Variants in EXOC4 observed in about 807,000 individuals in gnomAD.
EXOC4 encodes the protein exocyst complex component 4, also known as SEC8-like 1.
EXOC4 carries 71 observed loss-of-function variants against 107.2 expected under a neutral mutation model. That is an observed-to-expected ratio of 0.66 (90% CI 0.55 to 0.81). The LOEUF is 0.81. Among genes scored for constraint, EXOC4 ranks in the 30% least tolerant of loss-of-function variants. The pLI, the probability that EXOC4 is intolerant of heterozygous loss-of-function variation, is 0.00. For missense variants in EXOC4, 1,108 were observed against 1,189.6 expected (o/e 0.93, Z 1.01); for synonymous variants, 456 against 441.2 (o/e 1.03, Z -0.42).
intron 1 of EXOC4, among the ~76,000 whole-genome samples, chr7:133,271,740 C>T (rs767418126): frequency 2.0e-5 from 3 of 152,086 alleles, no homozygotes; most frequent in Admixed American, 2.0e-4. Flanking sequence ...GCGCTTACGC[C>T]GCTTGCTGTG....
intron 10 of EXOC4, among the ~76,000 whole-genome samples, chr7:133,716,678 C>T (rs1185884702): frequency 6.6e-6 from 1 of 152,222 alleles, no homozygotes; most frequent in Non-Finnish European, 1.5e-5. Flanking sequence ...CACTGTGGCT[C>T]ATGCCTGTAA....
intron 11 of EXOC4, among the ~76,000 whole-genome samples, chr7:133,852,406 C>A (rs1798256710): frequency 6.6e-6 from 1 of 151,968 alleles, no homozygotes; most frequent in Non-Finnish European, 1.5e-5. Flanking sequence ...TTACAAGTAT[C>A]CCTTTAGTTG....
At chr7:133,689,673 C>T (rs1794379027) in intron 10 of EXOC4, among the ~76,000 whole-genome samples, 1 of 152,204 alleles carries the variant, frequency 6.6e-6, no homozygotes, top group African/African-American at 2.4e-5. Context: ...GGGTGAGGGA[C>T]TTTTCCTCAA....
intron 5 of EXOC4, among the ~76,000 whole-genome samples, chr7:133,340,840 T>C (rs1795644543): frequency 6.6e-6 from 1 of 152,150 alleles, no homozygotes. Context: ...TTGAATGATC[T>C]TTTGTATTTC....
chr7:134,053,139 T>C (rs1795836000), intron 17 of EXOC4, among the ~76,000 whole-genome samples: 2 of 151,852 alleles, frequency 1.3e-5, no homozygotes, highest in Admixed American at 1.3e-4. Context: ...AATTCAGCCC[T>C]GCTCTAGAGA....
At chr7:133,841,854 C>T (rs1055712373) in intron 11 of EXOC4, among the ~76,000 whole-genome samples, 2 of 152,108 alleles carry the variant, frequency 1.3e-5, no homozygotes, top group African/African-American at 2.4e-5. Context: ...CTGTTTTTCC[C>T]TTCTTTGTGT....
chr7:133,535,701 G>A (rs778804607), intron 9 of EXOC4, among the ~76,000 whole-genome samples: 3 of 152,004 alleles, frequency 2.0e-5, no homozygotes, highest in Admixed American at 6.6e-5. Context: ...TACCTTATAC[G>A]TTTTAATTTT....
intron 14 of EXOC4, among the ~76,000 whole-genome samples, chr7:133,954,319 A>G (rs1004430490): frequency 2.6e-5 from 4 of 152,246 alleles, no homozygotes; most frequent in African/African-American, 9.6e-5. Context: ...ACGGATTTAC[A>G]TCTACAATTA....
At chr7:134,028,790 A>G (rs774212492) in intron 17 of EXOC4, among the ~76,000 whole-genome samples, 4 of 152,228 alleles carry the variant, frequency 2.6e-5, no homozygotes, top group African/African-American at 7.2e-5. Context: ...GAATCTCTAT[A>G]CCTCTGACCA....
chr7:133,922,312 A>C (rs1283518485), intron 13 of EXOC4, among the ~76,000 whole-genome samples: 1 of 152,144 alleles, frequency 6.6e-6, no homozygotes, highest in South Asian at 2.1e-4. Context: ...CCTTCTTTCT[A>C]GTTACTGCCT....
At chr7:133,873,153 T>C (rs943345308) in intron 11 of EXOC4, among the ~76,000 whole-genome samples, 1 of 152,142 alleles carries the variant, frequency 6.6e-6, no homozygotes, top group Admixed American at 6.5e-5. Context: ...TACAAAAAAA[T>C]TTAGCCAGTT....
chr7:133,283,250 T>G (rs545714289), intron 2 of EXOC4, among the ~76,000 whole-genome samples: 16 of 152,254 alleles, frequency 1.1e-4, no homozygotes, highest in Non-Finnish European at 2.2e-4. Flanking sequence ...CCACAGATAC[T>G]TTTTTGTGGA....
intron 13 of EXOC4, among the ~76,000 whole-genome samples, chr7:133,933,373 G>C (rs1480500152): frequency 6.6e-6 from 1 of 152,046 alleles, no homozygotes; most frequent in Non-Finnish European, 1.5e-5. Flanking sequence ...GATTTGGAAG[G>C]CAAGTCCTCA....
the EXOC4 span, among the ~76,000 whole-genome samples, chr7:134,084,964 A>G: frequency 7.3e-3 from 1,119 of 152,282 alleles, 34 homozygotes; most frequent in Non-Finnish European, 5.5e-3. Flanking sequence ...GTAAGGCATA[A>G]AAACAGCTGG....
chr7:133,479,337 T>C (rs1799098234), intron 8 of EXOC4: 1 of 152,222 alleles, frequency 6.6e-6, no homozygotes, highest in Non-Finnish European at 1.5e-5. Context: ...ACCTGTTCTT[T>C]ATCATGAGTC....
intron 7 of EXOC4, among the ~76,000 whole-genome samples, chr7:133,433,228 T>C (rs1050607626): frequency 1.3e-5 from 2 of 152,160 alleles, no homozygotes; most frequent in Non-Finnish European, 2.9e-5. Context: ...TCAGCAAATA[T>C]TCATTCCCTA....
chr7:133,985,583 C>A (rs919834486), intron 14 of EXOC4, among the ~76,000 whole-genome samples: 3 of 152,214 alleles, frequency 2.0e-5, no homozygotes, highest in Non-Finnish European at 4.4e-5. Context: ...TTCTTTTAAA[C>A]AATATGTAAT....
chr7:133,654,167 T>C (rs1803230625), intron 10 of EXOC4, among the ~76,000 whole-genome samples: 1 of 152,142 alleles, frequency 6.6e-6, no homozygotes, highest in Admixed American at 6.6e-5. Context: ...AAATCAATCC[T>C]GCATGAAAGA....
At chr7:133,762,806 T>C (rs1411597989) in intron 10 of EXOC4, among the ~76,000 whole-genome samples, 1 of 152,142 alleles carries the variant, frequency 6.6e-6, no homozygotes, top group African/African-American at 2.4e-5. Context: ...ATGTACAATA[T>C]GATAATTGTG....
Sources: gnomAD v4.1 joint callset for allele counts (sites outside exome capture counted in the v4.1 genomes callset) on GRCh38, gnomAD v4.1.1 for gene constraint, MANE v1.5 for transcripts, NCBI Gene and HGNC (gene_info 2026-07-23, HGNC 2026-07-21) for gene names.